The following CA10 variants were observed in gnomAD, a reference collection of about 807,000 sequenced individuals.
The protein encoded by CA10 is carbonic anhydrase-related protein 10.
In CA10, 14 loss-of-function variants were observed where a neutral mutation model predicts 44.2. That is an observed-to-expected ratio of 0.32 (90% confidence interval 0.21 to 0.50). CA10 has a LOEUF of 0.50. Ranked by LOEUF, CA10 falls within the 20% of genes least tolerant of loss-of-function variation. The pLI, the probability that CA10 is intolerant of heterozygous loss-of-function variation, is 0.99. For synonymous variants in CA10, 159 were observed against 141.6 expected, an observed-to-expected ratio of 1.12 and a Z score of -0.87; for missense variants, 350 against 409.7, an observed-to-expected ratio of 0.85 and a Z score of 1.26.
intron 1 of CA10, among the ~76,000 whole-genome samples, chr17:52,121,891 G>C (rs1238500497): frequency 6.6e-6 from 1 of 152,148 alleles, no homozygotes; most frequent in Non-Finnish European, 1.5e-5. Context: ...ATCATTAGGA[G>C]CCTTGACCTA....
intron 2 of CA10, among the ~76,000 whole-genome samples, chr17:51,972,277 G>T (rs902091182): frequency 5.9e-5 from 9 of 152,066 alleles, no homozygotes; most frequent in African/African-American, 2.2e-4. Flanking sequence ...CCATGCCATG[G>T]TCATAATTTG....
intron 4 of CA10, among the ~76,000 whole-genome samples, chr17:51,721,971 G>C (rs1916364735): frequency 6.6e-6 from 1 of 152,164 alleles, no homozygotes; most frequent in African/African-American, 2.4e-5. Flanking sequence ...CAAACATGAA[G>C]AGGGGTTGTA....
chr17:51,876,609 G>A (rs542709644), intron 3 of CA10, among the ~76,000 whole-genome samples: 19 of 151,998 alleles, frequency 1.3e-4, no homozygotes, highest in Admixed American at 6.6e-4. Context: ...TTAGGTACCC[G>A]TAACAGCCTC....
chr17:52,120,520 G>A (rs1396755694), intron 1 of CA10, among the ~76,000 whole-genome samples: 1 of 151,952 alleles, frequency 6.6e-6, no homozygotes, highest in Non-Finnish European at 1.5e-5. Context: ...TAACCTAAGG[G>A]CATTTAGATG....
At chr17:52,134,170 T>C (rs1370225546) in intron 1 of CA10, among the ~76,000 whole-genome samples, 3 of 152,228 alleles carry the variant, frequency 2.0e-5, no homozygotes, top group Admixed American at 2.0e-4. Context: ...ATTTGGCATA[T>C]ATAGACCCAT....
chr17:51,864,707 C>A (rs1979468515), intron 3 of CA10, among the ~76,000 whole-genome samples: 1 of 152,190 alleles, frequency 6.6e-6, no homozygotes, highest in East Asian at 1.9e-4. Flanking sequence ...TGCAGGACAG[C>A]ATTTCAATTA....
chr17:51,978,120 G>A (rs1388656629), intron 2 of CA10, among the ~76,000 whole-genome samples: 1 of 152,018 alleles, frequency 6.6e-6, no homozygotes, highest in African/African-American at 2.4e-5. Context: ...AAAATTCAAT[G>A]TAATTCTTAT....
chr17:51,787,690 G>T (rs1484202577), intron 3 of CA10, among the ~76,000 whole-genome samples: 2 of 151,926 alleles, frequency 1.3e-5, no homozygotes, highest in Non-Finnish European at 2.9e-5. Flanking sequence ...TAGAGATGGG[G>T]TTTCACCATG....
In CA10 at chr17:51,689,422, TTGAA is replaced by T. The variant is rs747762721; in HGVS notation, c.466-35690_466-35687del. Among the ~76,000 whole-genome samples, 3 of 152,334 alleles carry T rather than the reference TTGAA, an allele frequency of 2.0e-5. No homozygotes were observed. The East Asian group carries it at 5.8e-4, about 29-fold the overall frequency. On this transcript the variant is annotated intron_variant, in intron 4 of 8. Transcript: ENST00000451037. Reference sequence around the variant, plus strand: ...ATGGCATCAAACACGCCCAATGATTTTGAATGAATGAATGATTACATGAATATGT... The same window carrying T: ...ATGGCATCAAACACGCCCAATGATTTTGAATGAATGATTACATGAATATGT...
chr17:51,669,288 G>T (rs1914323264), intron 4 of CA10, among the ~76,000 whole-genome samples: 1 of 152,196 alleles, frequency 6.6e-6, no homozygotes, highest in Admixed American at 6.5e-5. Context: ...CTAGCTTGGG[G>T]TTTGTGGATG....
chr17:52,059,543 T>A (rs1441300688), intron 2 of CA10, among the ~76,000 whole-genome samples: 1 of 152,058 alleles, frequency 6.6e-6, no homozygotes. Flanking sequence ...GAAAATTCAA[T>A]GGCTGAATTA....
At chr17:51,723,889 C>A (rs1916434664) in intron 4 of CA10, among the ~76,000 whole-genome samples, 1 of 152,200 alleles carries the variant, frequency 6.6e-6, no homozygotes, top group Non-Finnish European at 1.5e-5. Context: ...CTGCAGCCAG[C>A]CAGCCCATGT....
chr17:51,705,826 A>G (rs1915746960), intron 4 of CA10, among the ~76,000 whole-genome samples: 1 of 152,210 alleles, frequency 6.6e-6, no homozygotes, highest in Admixed American at 6.5e-5. Flanking sequence ...TGACAGGTAG[A>G]GATGGAAAAA....
rs1351263185 is a variant in CA10, at chr17:51,734,679, G to A, written c.465+12954C>T. Among the ~76,000 whole-genome samples the A allele has an allele frequency of 3.9e-5, 6 of 152,122 alleles. No homozygotes were observed. In the East Asian group the frequency reaches 1.2e-3, roughly 29 times the overall value. On this transcript the variant is annotated intron_variant, in intron 4 of 8. Coordinates refer to ENST00000451037, the MANE Select transcript of CA10 (RefSeq NM_020178.5). ...AGGGCACCACCTGGAGGCCAGGAATGGGAGGGCGATTCCTTGCAGGACCTC... is the reference window on the plus strand; with the variant it reads ...AGGGCACCACCTGGAGGCCAGGAATAGGAGGGCGATTCCTTGCAGGACCTC...
chr17:51,802,532 A>G (rs1158644975), intron 3 of CA10, among the ~76,000 whole-genome samples: 2 of 136,876 alleles, frequency 1.5e-5, no homozygotes, highest in African/African-American at 5.6e-5. Flanking sequence ...TGTACTCTGC[A>G]GGCTCTGCTT....
chr17:52,022,239 T>A (rs1986164212), intron 2 of CA10, among the ~76,000 whole-genome samples: 2 of 152,102 alleles, frequency 1.3e-5, no homozygotes, highest in African/African-American at 4.8e-5. Context: ...CAGCATCACA[T>A]CAAAGTGTTA....
intron 2 of CA10, among the ~76,000 whole-genome samples, chr17:51,937,654 G>T (rs1982919839): frequency 6.6e-6 from 1 of 152,078 alleles, no homozygotes; most frequent in Non-Finnish European, 1.5e-5. Flanking sequence ...ATGAACCAGG[G>T]ATAGAAAGAT....
chr17:51,665,113 A>T (rs1914160781), intron 4 of CA10, among the ~76,000 whole-genome samples: 1 of 152,224 alleles, frequency 6.6e-6, no homozygotes. Context: ...TCTATTAGAT[A>T]ACAGAGGAGG....
At chr17:52,110,862 G>A (rs1988775298) in intron 1 of CA10, among the ~76,000 whole-genome samples, 1 of 152,148 alleles carries the variant, frequency 6.6e-6, no homozygotes, top group African/African-American at 2.4e-5. Context: ...GTTCCACGAA[G>A]AATAGGGCAG....
Sources: gnomAD v4.1 joint callset for allele counts (sites outside exome capture counted in the v4.1 genomes callset) on GRCh38, gnomAD v4.1.1 for gene constraint, MANE v1.5 for transcripts, NCBI Gene and HGNC (gene_info 2026-07-23, HGNC 2026-07-21) for gene names.